The following NAALADL2 variants were observed in gnomAD, a reference collection of about 807,000 sequenced individuals.
NAALADL2 encodes the protein inactive N-acetylated-alpha-linked acidic dipeptidase-like protein 2.
In NAALADL2, 76 loss-of-function variants were observed where a neutral mutation model predicts 87.2. The observed-to-expected ratio is 0.87, with a 90% CI of 0.72 to 1.05. NAALADL2 has a LOEUF of 1.05. Among genes scored for constraint, NAALADL2 ranks in the 50% least tolerant of loss-of-function variants. NAALADL2 has a pLI of 0.00. For missense variants in NAALADL2, 1,089 were observed against 945.8 expected, an observed-to-expected ratio of 1.15 and a Z score of -1.99; for synonymous variants, 354 against 331.0, an observed-to-expected ratio of 1.07 and a Z score of -0.75.
At chr3:175,376,206 AT>A (rs907877159) in intron 5 of NAALADL2, among the ~76,000 whole-genome samples, 2 of 152,046 alleles carry the variant, frequency 1.3e-5, no homozygotes, top group African/African-American at 4.8e-5. Flanking sequence ...CAATTTCTTC[AT>A]TTCTTTTCGT....
intron 5 of NAALADL2, among the ~76,000 whole-genome samples, chr3:175,414,556 G>A (rs12635951): frequency 2.0e-5 from 3 of 151,872 alleles, no homozygotes; most frequent in South Asian, 4.2e-4. Flanking sequence ...AATGATTTTC[G>A]AAAACGTAAA....
At chr3:175,642,779 T>C (rs2151614) in intron 11 of NAALADL2, among the ~76,000 whole-genome samples, 54,876 of 152,030 alleles carry the variant, frequency 0.36, 13,615 homozygotes, top group African/African-American at 0.72. Context: ...GGATTACAGG[T>C]GTAAGCCACC....
chr3:174,520,025 A>G (rs1720178802), intron 1 of NAALADL2, among the ~76,000 whole-genome samples: 3 of 152,178 alleles, frequency 2.0e-5, no homozygotes, highest in Non-Finnish European at 2.9e-5. Flanking sequence ...AAAGATCTGT[A>G]CAAGGAGAAC....
chr3:174,878,094 C>T (rs1214272637), intron 1 of NAALADL2, among the ~76,000 whole-genome samples: 1 of 152,028 alleles, frequency 6.6e-6, no homozygotes, highest in Non-Finnish European at 1.5e-5. Context: ...TACATCGTGT[C>T]TGATTTTGAA....
intron 11 of NAALADL2, among the ~76,000 whole-genome samples, chr3:175,640,924 C>T (rs1430859284): frequency 1.3e-5 from 2 of 152,266 alleles, no homozygotes; most frequent in African/African-American, 4.8e-5. Flanking sequence ...AGAGCCAATA[C>T]ATAGATGCAA....
intron 9 of NAALADL2, among the ~76,000 whole-genome samples, chr3:175,574,502 C>G (rs947370044): frequency 6.6e-6 from 1 of 152,130 alleles, no homozygotes; most frequent in African/African-American, 2.4e-5. Context: ...AACGAGAACT[C>G]TGTGTCAAAC....
chr3:174,962,439 T>TGACTATGACATATATATATATATA (rs1742255910), intron 1 of NAALADL2, among the ~76,000 whole-genome samples: 1 of 73,032 alleles, frequency 1.4e-5, no homozygotes, highest in Non-Finnish European at 3.0e-5. Context: ...ATATGTATAT[T>TGACTATGACATATATATATATATA]TTTAAGTCTG....
intron 9 of NAALADL2, among the ~76,000 whole-genome samples, chr3:175,534,831 C>T (rs1479759199): frequency 6.6e-6 from 1 of 151,872 alleles, no homozygotes; most frequent in Admixed American, 6.6e-5. Context: ...GGTTTGTTCC[C>T]AAACTGGTTT....
intron 1 of NAALADL2, among the ~76,000 whole-genome samples, chr3:174,525,853 G>A (rs1419196891): frequency 6.6e-6 from 1 of 152,078 alleles, no homozygotes; most frequent in Non-Finnish European, 1.5e-5. Flanking sequence ...ATTTTGGGGG[G>A]CACCCACTAT....
intron 3 of NAALADL2, among the ~76,000 whole-genome samples, chr3:174,753,060 A>G (rs985886044): frequency 6.6e-6 from 1 of 152,116 alleles, no homozygotes; most frequent in African/African-American, 2.4e-5. Context: ...ATCTCTAATA[A>G]TTTGCTAACA....
chr3:175,600,022 T>C (rs1250352062), intron 10 of NAALADL2, among the ~76,000 whole-genome samples: 3 of 152,052 alleles, frequency 2.0e-5, no homozygotes, highest in Non-Finnish European at 4.4e-5. Context: ...AGGTATATCA[T>C]ACACAATTTA....
intron 11 of NAALADL2, among the ~76,000 whole-genome samples, chr3:175,699,413 A>T (rs60992287): frequency 0.04 from 6,018 of 152,130 alleles, 388 homozygotes; most frequent in African/African-American, 0.14. Context: ...GTTTGCTAAC[A>T]TACATGAAAC....
At chr3:175,782,574 T>A (rs1394826219) in intron 13 of NAALADL2, among the ~76,000 whole-genome samples, 1 of 145,388 alleles carries the variant, frequency 6.9e-6, no homozygotes, top group East Asian at 2.0e-4. Flanking sequence ...TCTTGTAAAT[T>A]TGTTTGAGTC....
intron 1 of NAALADL2, among the ~76,000 whole-genome samples, chr3:174,877,304 T>C (rs942577528): frequency 5.9e-5 from 9 of 152,154 alleles, no homozygotes; most frequent in Non-Finnish European, 1.5e-5. Context: ...TCAGTACTGA[T>C]GGTTAACAAA....
intron 1 of NAALADL2, among the ~76,000 whole-genome samples, chr3:174,525,906 G>A (rs1376086509): frequency 6.6e-6 from 1 of 152,114 alleles, no homozygotes; most frequent in Non-Finnish European, 1.5e-5. Flanking sequence ...ATAATAATGG[G>A]GGAGCATGGA....
At chr3:174,913,082 A>G (rs1333502906) in intron 1 of NAALADL2, among the ~76,000 whole-genome samples, 1 of 152,148 alleles carries the variant, frequency 6.6e-6, no homozygotes, top group Non-Finnish European at 1.5e-5. Flanking sequence ...TCACATTTTA[A>G]AGTGTCCTGC....
intron 9 of NAALADL2, among the ~76,000 whole-genome samples, chr3:175,554,778 A>T (rs1714994457): frequency 6.6e-6 from 1 of 152,206 alleles, no homozygotes; most frequent in Admixed American, 6.5e-5. Flanking sequence ...AACTTAAGAT[A>T]AAAAATACTG....
intron 2 of NAALADL2, among the ~76,000 whole-genome samples, chr3:174,607,276 A>G (rs554226127): frequency 6.6e-6 from 1 of 152,122 alleles, no homozygotes; most frequent in South Asian, 2.1e-4. Flanking sequence ...CAAATCAACC[A>G]GCTAACATCA....
chr3:175,055,303 A>G (rs1470487625), intron 1 of NAALADL2, among the ~76,000 whole-genome samples: 2 of 152,196 alleles, frequency 1.3e-5, no homozygotes, highest in Non-Finnish European at 2.9e-5. Context: ...AGATATAACA[A>G]TTTGAATTTC....
Sources: allele counts gnomAD v4.1 joint callset (sites outside exome capture counted in the v4.1 genomes callset), GRCh38; gene constraint gnomAD v4.1.1; transcripts MANE v1.5; gene names NCBI Gene and HGNC (gene_info 2026-07-23, HGNC 2026-07-21).